The following FRMPD2 variants were observed in gnomAD, a reference collection of about 807,000 sequenced individuals.
The protein encoded by FRMPD2 is FERM and PDZ domain containing 2.
A neutral mutation model predicts 140.1 loss-of-function variants in FRMPD2; 96 were observed. The ratio of observed to expected loss-of-function variants is 0.69; its 90% CI spans 0.58 to 0.81. The LOEUF is 0.81. Ranked by LOEUF, FRMPD2 falls within the 40% of genes least tolerant of loss-of-function variation. The pLI, the probability that FRMPD2 is intolerant of heterozygous loss-of-function variation, is 0.00. For missense variants in FRMPD2, 1,240 were observed against 1,447.4 expected (o/e 0.86, Z 2.32); for synonymous variants, 449 against 547.6 (o/e 0.82, Z 2.52).
chr10:48,253,918 C>A (rs2131972562), intron 1 of FRMPD2, among the ~76,000 whole-genome samples: 1 of 152,244 alleles, frequency 6.6e-6, no homozygotes, highest in South Asian at 2.1e-4. Context: ...CAATCAAGCA[C>A]CCTTCTTTTT....
intron 3 of FRMPD2, among the ~76,000 whole-genome samples, chr10:48,246,800 A>G (rs1840261828): frequency 6.6e-6 from 1 of 152,200 alleles, no homozygotes; most frequent in Admixed American, 6.5e-5. Flanking sequence ...GACCCATGCC[A>G]AACTGGATGA....
intron 12 of FRMPD2, among the ~76,000 whole-genome samples, chr10:48,220,985 C>T (rs1839573035): frequency 6.6e-6 from 1 of 152,146 alleles, no homozygotes; most frequent in Non-Finnish European, 1.5e-5. Flanking sequence ...TTTTATACTG[C>T]TGGTGGGAAT....
intron 10 of FRMPD2, among the ~76,000 whole-genome samples, chr10:48,229,132 C>T (rs1839794247): frequency 6.6e-6 from 1 of 151,816 alleles, no homozygotes; most frequent in Non-Finnish European, 1.5e-5. Context: ...TATGTTTTTC[C>T]TTAACTTTTT....
intron 22 of FRMPD2, chr10:48,177,357 C>G (rs1320992728): frequency 1.3e-5 from 2 of 151,204 alleles, no homozygotes; most frequent in African/African-American, 4.9e-5. Context: ...GCGATCCACC[C>G]GCCTCGGCCT....
intron 17 of FRMPD2, among the ~76,000 whole-genome samples, chr10:48,186,552 TC>T (rs1838690973): frequency 6.6e-6 from 1 of 152,350 alleles, no homozygotes; most frequent in South Asian, 2.1e-4. Context: ...TGTTTCTTCC[TC>T]ATTTTTCTCT....
Position 48,184,840 on chromosome 10 carries a change from G to A in FRMPD2, c.2401C>T (p.Pro801Ser). ...NEGEYSGQAD[P>S]GIFISSIIPG... ...ATAATAGAAGATATAAAAATGCCAG[G>A]GTCAGCTTGGCCTGAATACTCTCCC... Residue 801 changes from proline to serine, a missense_variant, in exon 19 of 29, where the codon CCT (proline) becomes TCT (serine). This residue lies in a region of FRMPD2 where 1,161 missense variants were observed against 1,055.9 expected (regional missense o/e 1.10). Coordinates refer to ENST00000374201, the MANE Select transcript of FRMPD2 (RefSeq NM_001018071.4). The A allele has an allele frequency of 6.2e-7, 1 of 1,613,780 alleles. No individual in the cohort carries two copies. The highest frequency in any genetic ancestry group is 2.2e-5 in the East Asian group (1 of 44,842).
At position 48,219,047 on chromosome 10, in the gene FRMPD2, G is replaced by A. The variant is rs182270663; in HGVS notation, c.1455+3266C>T. On this transcript the variant is annotated intron_variant, in intron 12 of 28. Coordinates refer to ENST00000374201, the MANE Select transcript of FRMPD2 (RefSeq NM_001018071.4). ...CCAGAGGGTCCACTTGTGGGGCCAG[G>A]AACTCTAGGGGGTTGGTACTGACCT... is the stretch of plus-strand genomic sequence containing the variant. Among the ~76,000 whole-genome samples, 904 of 152,250 alleles carry A rather than the reference G, an allele frequency of 5.9e-3. 3 individuals are homozygous for A. Among genetic ancestry groups the A allele is most frequent in the Non-Finnish European group, 8.9e-3 (606 of 68,006 alleles).
intron 15 of FRMPD2, among the ~76,000 whole-genome samples, chr10:48,194,001 A>G (rs959620879): frequency 1.3e-5 from 2 of 152,266 alleles, no homozygotes; most frequent in African/African-American, 4.8e-5. Context: ...ATGAAGGAAT[A>G]TAAGTAAATT....
At chr10:48,254,250 C>A (rs1325835421) in intron 1 of FRMPD2, among the ~76,000 whole-genome samples, 1 of 152,174 alleles carries the variant, frequency 6.6e-6, no homozygotes, top group African/African-American at 2.4e-5. Context: ...TGGGAACCAT[C>A]CAGAGCTCTG....
chr10:48,168,012 C>A (rs1327051485), intron 27 of FRMPD2, among the ~76,000 whole-genome samples: 1 of 148,358 alleles, frequency 6.7e-6, no homozygotes, highest in Non-Finnish European at 1.5e-5. Context: ...TCACATGAAC[C>A]AATTCCTATA....
intron 28 of FRMPD2, among the ~76,000 whole-genome samples, chr10:48,159,969 T>G (rs1351098416): frequency 6.6e-6 from 1 of 151,434 alleles, no homozygotes; most frequent in African/African-American, 2.4e-5. Flanking sequence ...GGCCCATAAA[T>G]GCAAGCCTCC....
At chr10:48,175,296 C>G (rs2652401) in intron 23 of FRMPD2, among the ~76,000 whole-genome samples, 137 of 152,058 alleles carry the variant, frequency 9.0e-4, no homozygotes, top group African/African-American at 1.9e-3. Context: ...ATATCTCCAG[C>G]ATGTATTTTT....
chr10:48,202,109 T>G (rs17769912), intron 14 of FRMPD2, among the ~76,000 whole-genome samples: 24,097 of 151,916 alleles, frequency 0.16, 2,358 homozygotes, highest in Non-Finnish European at 0.22. Flanking sequence ...TAGAGCCTTA[T>G]GAAAAAAAAG....
chr10:48,192,361 C>A (rs181421903), intron 16 of FRMPD2, among the ~76,000 whole-genome samples: 90 of 152,242 alleles, frequency 5.9e-4, no homozygotes, highest in Middle Eastern at 3.4e-3. Context: ...GAGGGTGGAT[C>A]ACCTGAGGTC....
chr10:48,216,290 G>GGATA (rs71788001), intron 12 of FRMPD2, among the ~76,000 whole-genome samples: 49,167 of 149,428 alleles, frequency 0.33, 8,075 homozygotes, highest in East Asian at 0.37. Context: ...CATAGATGAT[G>GGATA]GATAGATAGA....
intron 9 of FRMPD2, among the ~76,000 whole-genome samples, chr10:48,235,103 C>T (rs1029110609): frequency 6.6e-6 from 1 of 152,156 alleles, no homozygotes; most frequent in African/African-American, 2.4e-5. Flanking sequence ...GACTTGCAAG[C>T]CCCATACAGG....
chr10:48,182,070 T>TCATTAACA (rs1213990750), intron 20 of FRMPD2, among the ~76,000 whole-genome samples: 5 of 152,064 alleles, frequency 3.3e-5, no homozygotes, highest in African/African-American at 9.7e-5. Flanking sequence ...TGATACAGAC[T>TCATTAACA]CATTAACACT....
At chr10:48,268,222 T>A (rs2131989133) in intron 1 of FRMPD2, among the ~76,000 whole-genome samples, 1 of 152,140 alleles carries the variant, frequency 6.6e-6, no homozygotes, top group African/African-American at 2.4e-5. Flanking sequence ...AAAAATAAAG[T>A]GACAATACCA....
chr10:48,183,416 T>A lies in FRMPD2; in HGVS notation c.2584+1150A>T, dbSNP rs116356183. Among the ~76,000 whole-genome samples the A allele has an allele frequency of 6.4e-3, 977 of 152,272 alleles. 5 individuals are homozygous for A. Among genetic ancestry groups the A allele is most frequent in the African/African-American group, 0.022 (900 of 41,534 alleles). Reference sequence around the variant, plus strand: ...TTGGTCCCGATAAAAACAATAGTATTTTCCTTTAATATAGGCAGTTGTTGC... The same window carrying A: ...TTGGTCCCGATAAAAACAATAGTATATTCCTTTAATATAGGCAGTTGTTGC... On this transcript the variant is annotated intron_variant, in intron 20 of 28. Transcript: ENST00000374201.
Sources: gnomAD v4.1 joint callset for allele counts (sites outside exome capture counted in the v4.1 genomes callset) on GRCh38, gnomAD v4.1.1 for gene constraint, gnomAD v4.1.1 regional missense constraint, MANE v1.5 for transcripts, NCBI Gene and HGNC (gene_info 2026-07-23, HGNC 2026-07-21) for gene names.